The following RELL1 variants were observed in gnomAD, a reference collection of about 807,000 sequenced individuals.
The protein encoded by RELL1 is RELT-like protein 1.
Under a neutral mutation model 23.0 loss-of-function variants are expected in RELL1, and 10 were observed. That is an observed-to-expected ratio of 0.43 (90% CI 0.27 to 0.74). The LOEUF is 0.74. RELL1 is among the 30% of genes least tolerant of loss of function. RELL1 has a pLI of 0.19. For missense variants in RELL1, 315 were observed against 364.4 expected (o/e 0.86, Z 1.10); for synonymous variants, 146 against 146.8 (o/e 0.99, Z 0.04).
intron 1 of RELL1, among the ~76,000 whole-genome samples, chr4:37,674,556 A>C (rs919008): frequency 0.91 from 139,199 of 152,326 alleles, 63,916 homozygotes; most frequent in Non-Finnish European, 0.96. Flanking sequence ...GCATATAGAA[A>C]AAACTTGCAA....
At chr4:37,661,666 T>C (rs1231398308) in intron 1 of RELL1, among the ~76,000 whole-genome samples, 1 of 152,202 alleles carries the variant, frequency 6.6e-6, no homozygotes, top group Non-Finnish European at 1.5e-5. Flanking sequence ...AATAAAATCA[T>C]CCCCAAATTA....
In RELL1 at chr4:37,612,636, C is replaced by CAAAAAAAAAA. The variant is rs978165271; in HGVS notation, c.*700_*709dup. On this transcript the variant is annotated 3_prime_UTR_variant, in exon 7 of 7. Transcript: ENST00000454158. ...TAGGGGACACAGCGAGACTCTGCCT[C>CAAAAAAAAAA]AAAAAAAAAAAAAAAAAAACCTTCT... 6.7e-5 allele frequency among the ~76,000 whole-genome samples: 4 copies of CAAAAAAAAAA among 60,142 alleles called. No individual in the cohort carries two copies. Among genetic ancestry groups the CAAAAAAAAAA allele is most frequent in the African/African-American group, 2.2e-4 (4 of 17,960 alleles). The allele number at this position is 60,142 out of a possible 152,430, so 39.5% of individuals were successfully genotyped here. A position where few individuals can be genotyped will look rare whatever the true frequency, so the allele number is the denominator to read the frequency against.
chr4:37,631,666 CA>C, intron 5 of RELL1, 143 bp from the exon 6 acceptor site: 3 of 866,270 alleles, frequency 3.5e-6, no homozygotes, highest in Non-Finnish European at 5.3e-6. Context: ...CATATTCGAA[CA>C]TGCATTCCTA....
chr4:37,684,751 G>A (rs937059645), intron 1 of RELL1, among the ~76,000 whole-genome samples: 3 of 152,102 alleles, frequency 2.0e-5, no homozygotes, highest in South Asian at 2.1e-4. Context: ...TCGGGAGTTC[G>A]AGACCAGCCT....
intron 6 of RELL1, among the ~76,000 whole-genome samples, chr4:37,621,459 AAAT>A (rs1256828048): frequency 1.3e-5 from 2 of 152,016 alleles, no homozygotes; most frequent in Non-Finnish European, 2.9e-5. Flanking sequence ...CCATCTCAAA[AAAT>A]AATAATAATA....
chr4:37,627,769 T>C (rs1719999969), intron 6 of RELL1, among the ~76,000 whole-genome samples: 2 of 152,210 alleles, frequency 1.3e-5, no homozygotes. Flanking sequence ...TGTTCTACAA[T>C]AAAACAAAAC....
chr4:37,644,061 G>C (rs1268505341), intron 3 of RELL1, among the ~76,000 whole-genome samples: 2 of 152,192 alleles, frequency 1.3e-5, no homozygotes, highest in Non-Finnish European at 2.9e-5. Flanking sequence ...GAGAACTGGG[G>C]AGCAGAGGAG....
intron 1 of RELL1, among the ~76,000 whole-genome samples, chr4:37,678,403 C>T (rs184149733): frequency 1.3e-5 from 2 of 152,310 alleles, no homozygotes. Flanking sequence ...GCTTTCCTTC[C>T]TTCTTTGCTT....
At chr4:37,627,739 T>G (rs898789827) in intron 6 of RELL1, among the ~76,000 whole-genome samples, 5 of 152,236 alleles carry the variant, frequency 3.3e-5, no homozygotes, top group Admixed American at 3.3e-4. Flanking sequence ...GATATGCATT[T>G]GTATTTGAAT....
At chr4:37,610,624 G>GACAAC (rs1719343185), downstream of RELL1, among the ~76,000 whole-genome samples, 1 of 152,158 alleles carries the variant, frequency 6.6e-6, no homozygotes. The surrounding 1 kb of genome is among the most constrained non-coding windows in gnomAD (Gnocchi z 4.1). Flanking sequence ...TCACCCACAA[G>GACAAC]ACAACACACT....
intron 6 of RELL1, among the ~76,000 whole-genome samples, chr4:37,605,468 A>G (rs369264299): frequency 2.6e-5 from 4 of 152,106 alleles, no homozygotes; most frequent in African/African-American, 9.7e-5. Flanking sequence ...AAGGGCTTTC[A>G]AAAAAGAAAG....
chr4:37,645,853 A>G (rs1720693987), intron 3 of RELL1, among the ~76,000 whole-genome samples: 1 of 152,242 alleles, frequency 6.6e-6, no homozygotes. Flanking sequence ...AACCATACGA[A>G]ACTGCTGTTT....
chr4:37,615,658 C>T (rs1719551108), intron 6 of RELL1, among the ~76,000 whole-genome samples: 1 of 152,192 alleles, frequency 6.6e-6, no homozygotes, highest in African/African-American at 2.4e-5. Flanking sequence ...TTTGTGATGA[C>T]AGTTTACACA....
intron 1 of RELL1, among the ~76,000 whole-genome samples, chr4:37,658,446 C>T (rs1721205931): frequency 6.6e-6 from 1 of 152,234 alleles, no homozygotes; most frequent in Admixed American, 6.5e-5. Context: ...TGAGCCAACA[C>T]TAAGCTAAGC....
chr4:37,647,499 C>A, intron 2 of RELL1, 60 bp from the exon 3 acceptor site: 1 of 1,180,108 alleles, frequency 8.5e-7, no homozygotes, highest in South Asian at 1.2e-5. Flanking sequence ...TCAAGTCAAT[C>A]AATCTTAGAA....
chr4:37,652,782 A>G (rs549343313), intron 1 of RELL1, among the ~76,000 whole-genome samples: 1 of 152,326 alleles, frequency 6.6e-6, no homozygotes, highest in South Asian at 2.1e-4. Flanking sequence ...TCATTCACTT[A>G]ATTTCATAAT....
exon 7 of RELL1, chr4:37,591,015 A>G (rs766281698): frequency 2.5e-6 from 4 of 1,586,236 alleles, no homozygotes; most frequent in Non-Finnish European, 3.4e-6. Context: ...GGGGATTTGC[A>G]CAGGGAGGTA....
chr4:37,668,161 T>G (rs1173178613), intron 1 of RELL1, among the ~76,000 whole-genome samples: 1 of 151,952 alleles, frequency 6.6e-6, no homozygotes. Flanking sequence ...TCACAAAATG[T>G]TTTTCAAAAA....
At chr4:37,605,009 A>G (rs1379713442) in intron 6 of RELL1, among the ~76,000 whole-genome samples, 2 of 152,202 alleles carry the variant, frequency 1.3e-5, no homozygotes, top group Non-Finnish European at 2.9e-5. Flanking sequence ...TCACAGTAAT[A>G]TATTTTCAAA....
Sources: gnomAD v4.1 joint callset for allele counts (sites outside exome capture counted in the v4.1 genomes callset) on GRCh38, gnomAD v4.1.1 for gene constraint, Gnocchi (gnomAD v3.1) non-coding constraint, MANE v1.5 for transcripts, NCBI Gene and HGNC (gene_info 2026-07-23, HGNC 2026-07-21) for gene names.